KHDRBS2: variants seen among roughly 807,000 people sequenced by gnomAD.
The protein encoded by KHDRBS2 is KH RNA binding domain containing, signal transduction associated 2, also known as KH domain-containing, RNA-binding, signal transduction-associated protein 2.
A neutral mutation model predicts 44.3 loss-of-function variants in KHDRBS2; 26 were observed. That is an observed-to-expected ratio of 0.59 (90% CI 0.43 to 0.81). The LOEUF is 0.81. KHDRBS2 is among the 40% of genes least tolerant of loss of function. The probability of loss-of-function intolerance (pLI) is 0.00; values close to 1 mark genes in which losing one functional copy is unlikely to be tolerated. For synonymous variants in KHDRBS2, 194 were observed against 151.1 expected, an observed-to-expected ratio of 1.28 and a Z score of -2.08; for missense variants, 476 against 433.1, an observed-to-expected ratio of 1.10 and a Z score of -0.88.
At chr6:62,063,669 T>G (rs1359969904) in intron 2 of KHDRBS2, among the ~76,000 whole-genome samples, 30 of 144,754 alleles carry the variant, frequency 2.1e-4, no homozygotes, top group African/African-American at 7.4e-4. Context: ...CCACAGCCAA[T>G]ATCATACTGA....
intron 6 of KHDRBS2, among the ~76,000 whole-genome samples, chr6:61,784,507 T>G (rs1783486433): frequency 6.6e-6 from 1 of 152,002 alleles, no homozygotes; most frequent in South Asian, 2.1e-4. Flanking sequence ...ATACCAATTT[T>G]GTTTTTGAAT....
chr6:62,233,432 A>G (rs1343609694), intron 1 of KHDRBS2, among the ~76,000 whole-genome samples: 1 of 152,170 alleles, frequency 6.6e-6, no homozygotes, highest in African/African-American at 2.4e-5. Flanking sequence ...TTAACATTTA[A>G]AGGAGATTTA....
chr6:61,653,297 T>C, the KHDRBS2 span, among the ~76,000 whole-genome samples: 3 of 152,140 alleles, frequency 2.0e-5, no homozygotes, highest in Non-Finnish European at 4.4e-5. Flanking sequence ...ATCAATGATA[T>C]TCAACAAAGA....
At chr6:61,979,392 A>G (rs1019454343) in intron 3 of KHDRBS2, among the ~76,000 whole-genome samples, 1 of 152,134 alleles carries the variant, frequency 6.6e-6, no homozygotes, top group Non-Finnish European at 1.5e-5. Context: ...GGTTTTATGT[A>G]GAGATTAGAG....
At chr6:61,999,414 A>G (rs1489054756) in intron 3 of KHDRBS2, among the ~76,000 whole-genome samples, 23 of 152,160 alleles carry the variant, frequency 1.5e-4, no homozygotes, top group Admixed American at 8.5e-4. Context: ...ATCAAGCATC[A>G]TTATCATGAG....
chr6:61,553,398 A>G, the KHDRBS2 span, among the ~76,000 whole-genome samples: 5 of 151,742 alleles, frequency 3.3e-5, no homozygotes, highest in Admixed American at 1.3e-4. Context: ...CTCTTTTTTC[A>G]TTATTAGTCT....
intron 2 of KHDRBS2, among the ~76,000 whole-genome samples, chr6:62,176,397 ATAT>A (rs1264860323): frequency 6.6e-6 from 1 of 151,370 alleles, no homozygotes; most frequent in Non-Finnish European, 1.5e-5. Context: ...AAAGTTTATC[ATAT>A]TAGAAGACAA....
chr6:62,034,446 A>T (rs1216172185), intron 3 of KHDRBS2, among the ~76,000 whole-genome samples: 1 of 151,894 alleles, frequency 6.6e-6, no homozygotes, highest in South Asian at 2.1e-4. Flanking sequence ...ACCAAATTCA[A>T]CAACACATTA....
chr6:62,023,285 C>T (rs2127282305), intron 3 of KHDRBS2, among the ~76,000 whole-genome samples: 1 of 151,678 alleles, frequency 6.6e-6, no homozygotes, highest in South Asian at 2.1e-4. Context: ...TGAGTATGTG[C>T]TTATATATCT....
At chr6:62,011,995 A>G (rs1057285361) in intron 3 of KHDRBS2, among the ~76,000 whole-genome samples, 2 of 152,182 alleles carry the variant, frequency 1.3e-5, no homozygotes, top group Non-Finnish European at 2.9e-5. Flanking sequence ...GGTTATTTAC[A>G]CAAAGTAAGC....
intron 1 of KHDRBS2, among the ~76,000 whole-genome samples, chr6:62,216,332 C>G (rs1829969701): frequency 6.6e-6 from 1 of 151,784 alleles, no homozygotes; most frequent in Non-Finnish European, 1.5e-5. Context: ...TTGATTGACA[C>G]TTTTGCATAA....
the KHDRBS2 span, among the ~76,000 whole-genome samples, chr6:61,622,471 G>A: frequency 2.0e-5 from 3 of 152,164 alleles, no homozygotes; most frequent in Admixed American, 6.6e-5. Context: ...AGAGAGTGCC[G>A]ATAAGATGGA....
At chr6:61,918,747 T>C (rs1190019771) in intron 4 of KHDRBS2, among the ~76,000 whole-genome samples, 1 of 151,938 alleles carries the variant, frequency 6.6e-6, no homozygotes, top group African/African-American at 2.4e-5. Flanking sequence ...TCAAAGAATA[T>C]AATATTGCCT....
the KHDRBS2 span, among the ~76,000 whole-genome samples, chr6:61,627,912 T>C: frequency 6.6e-6 from 1 of 152,174 alleles, no homozygotes; most frequent in East Asian, 1.9e-4. Flanking sequence ...ACATAGCCGG[T>C]TGGTCCCAAG....
chr6:62,117,322 G>A (rs1256707776), intron 2 of KHDRBS2, among the ~76,000 whole-genome samples: 2 of 152,062 alleles, frequency 1.3e-5, no homozygotes, highest in African/African-American at 2.4e-5. Flanking sequence ...ATATTTCATT[G>A]TGGTTTTGAT....
chr6:61,935,378 T>A (rs1443985607), intron 4 of KHDRBS2, among the ~76,000 whole-genome samples: 4 of 152,144 alleles, frequency 2.6e-5, no homozygotes, highest in Non-Finnish European at 5.9e-5. Flanking sequence ...AAATAATGGC[T>A]AAGGGATATC....
At chr6:61,715,793 G>GTT (rs58705451) in intron 7 of KHDRBS2, among the ~76,000 whole-genome samples, 3 of 147,440 alleles carry the variant, frequency 2.0e-5, no homozygotes, top group African/African-American at 7.4e-5. Flanking sequence ...TGTATACTGA[G>GTT]TTTTTTTTTT....
intron 6 of KHDRBS2, among the ~76,000 whole-genome samples, chr6:61,878,145 C>T (rs539566366): frequency 2.0e-5 from 3 of 151,980 alleles, no homozygotes; most frequent in Non-Finnish European, 4.4e-5. Context: ...CATTACATAA[C>T]TTCCAATGAG....
chr6:61,696,360 A>T lies in KHDRBS2; in HGVS notation c.952+835T>A, dbSNP rs573031507. Among the ~76,000 whole-genome samples the T allele has an allele frequency of 1.6e-3, 238 of 152,070 alleles. 1 individual carries two copies. The highest frequency in any genetic ancestry group is 5.4e-3 in the African/African-American group (222 of 41,484). ...AACCTCCAACTCCCTGGTTCAAGCT[A>T]TTCTCTTGCCTCAGCCTCCCGAGTA... On this transcript the variant is annotated intron_variant, in intron 8 of 8. Transcript: ENST00000281156.
Sources: allele counts gnomAD v4.1 joint callset (sites outside exome capture counted in the v4.1 genomes callset), GRCh38; gene constraint gnomAD v4.1.1; transcripts MANE v1.5; gene names NCBI Gene and HGNC (gene_info 2026-07-23, HGNC 2026-07-21).